The following FAM47E variants were observed in gnomAD, a reference collection of about 807,000 sequenced individuals.
FAM47E encodes the protein protein FAM47E.
In FAM47E, 32 loss-of-function variants were observed where a neutral mutation model predicts 41.6. That is an observed-to-expected ratio of 0.77 (90% CI 0.58 to 1.03). The LOEUF (loss-of-function observed/expected upper bound fraction) is 1.03. FAM47E is among the 50% of genes least tolerant of loss of function. The probability of loss-of-function intolerance (pLI) is 0.00; values close to 1 mark genes in which losing one functional copy is unlikely to be tolerated. For synonymous variants in FAM47E, 184 were observed against 188.7 expected (o/e 0.98, Z 0.20); for missense variants, 424 against 485.4 (o/e 0.87, Z 1.19).
chr4:76,214,212 G>T (rs1261652269), exon 1 of FAM47E: 13 of 454,328 alleles, frequency 2.9e-5, no homozygotes, highest in Admixed American at 2.1e-4. Context: ...AGTTAGCGGG[G>T]ACACCGTTAC....
At chr4:76,256,907 G>A (rs542390033) in intron 2 of FAM47E, among the ~76,000 whole-genome samples, 1 of 152,118 alleles carries the variant, frequency 6.6e-6, no homozygotes, top group African/African-American at 2.4e-5. Flanking sequence ...CTTTAGCCTG[G>A]TATTAGGAAG....
At chr4:76,256,546 G>C (rs1734200886) in intron 2 of FAM47E, 23 bp downstream of exon 2, 1 of 1,514,358 alleles carries the variant, frequency 6.6e-7, no homozygotes, top group Non-Finnish European at 8.9e-7. Flanking sequence ...AGGGTTTGTG[G>C]GAGGGGCTTC....
chr4:76,277,255 C>A (rs559412209), intron 5 of FAM47E, among the ~76,000 whole-genome samples: 1 of 152,172 alleles, frequency 6.6e-6, no homozygotes, highest in African/African-American at 2.4e-5. Flanking sequence ...GAGGCCGAGG[C>A]GGGCGGATCA....
chr4:76,266,537 C>T (rs1734643731), intron 3 of FAM47E, among the ~76,000 whole-genome samples: 1 of 152,206 alleles, frequency 6.6e-6, no homozygotes, highest in South Asian at 2.1e-4. Context: ...TTCCAAGATT[C>T]CATCACCTCT....
At chr4:76,264,801 GGCCAGCCTAGTCTTGAACTCC>G (rs1734561258) in intron 3 of FAM47E, among the ~76,000 whole-genome samples, 25 of 152,132 alleles carry the variant, frequency 1.6e-4, no homozygotes, top group Admixed American at 1.6e-3. Flanking sequence ...TCGCCATGTT[GGCCAGCCTAGTCTTGAACTCC>G]TGGCCTCAAG....
At chr4:76,225,094 C>G (rs1733371769) in intron 2 of FAM47E, among the ~76,000 whole-genome samples, 1 of 152,158 alleles carries the variant, frequency 6.6e-6, no homozygotes, top group Non-Finnish European at 1.5e-5. Flanking sequence ...CAACTCCACC[C>G]AGGTTGCTGC....
At chr4:76,225,903 T>C (rs1733389800) in intron 2 of FAM47E, among the ~76,000 whole-genome samples, 1 of 152,228 alleles carries the variant, frequency 6.6e-6, no homozygotes. Context: ...ACTGGCTTCA[T>C]GGAATGATTT....
chr4:76,251,810 T>C lies in FAM47E; in HGVS notation c.64T>C (p.Cys22Arg), dbSNP rs987665006. Residue 22 changes from cysteine to arginine, a missense_variant, in exon 1 of 8, where the codon TGC becomes CGC. By Grantham distance (180) the Cys-to-Arg change is radical. Transcript: ENST00000424749. Reference sequence around the variant, plus strand: ...GGCCCCGGTGCGCGAGGGCGTGAACTGCAGGTCCAGGTAAACACTCAGCGC... The same window carrying C: ...GGCCCCGGTGCGCGAGGGCGTGAACCGCAGGTCCAGGTAAACACTCAGCGC... The part of the protein sequence containing the change: ...TLAPVREGVN[C>R]RSRCFTKHKN... The C allele has an allele frequency of 1.3e-6, 2 of 1,485,886 alleles. No homozygotes were observed. Among genetic ancestry groups the C allele is most frequent in the East Asian group, 5.6e-5 (2 of 35,856 alleles). The allele number at this position is 1,485,886 out of a possible 1,614,324, so 92.0% of individuals were successfully genotyped here.
chr4:76,224,877 G>A (rs1264588316), intron 2 of FAM47E, among the ~76,000 whole-genome samples: 1 of 152,068 alleles, frequency 6.6e-6, no homozygotes, highest in Admixed American at 6.6e-5. Flanking sequence ...GGTATCCAAT[G>A]TGTAGTCTTT....
At chr4:76,242,569 G>A (rs61216514) in intron 2 of FAM47E, among the ~76,000 whole-genome samples, 16,938 of 152,174 alleles carry the variant, frequency 0.11, 1,049 homozygotes, top group African/African-American at 0.18. Context: ...TATTCCTTGA[G>A]TGCCTCTTTG....
upstream of FAM47E, among the ~76,000 whole-genome samples, chr4:76,249,823 A>G (rs1341972907): frequency 1.3e-5 from 2 of 152,156 alleles, no homozygotes; most frequent in Non-Finnish European, 2.9e-5. Flanking sequence ...TACTTCAGTT[A>G]GAATAATGGT....
At chr4:76,278,890 A>G (rs1735236626) in intron 6 of FAM47E, 1 of 152,246 alleles carries the variant, frequency 6.6e-6, no homozygotes, top group Non-Finnish European at 1.5e-5. Flanking sequence ...ATAGTACTCT[A>G]ATGAGGATAT....
chr4:76,251,541 A>C (rs1433872996), upstream of FAM47E, among the ~76,000 whole-genome samples: 1 of 152,208 alleles, frequency 6.6e-6, no homozygotes, highest in Non-Finnish European at 1.5e-5. Context: ...GATTACACCA[A>C]GGACCGGTAC....
Position 76,233,714 on chromosome 4 carries a change from A to G in FAM47E, c.81+16026A>G, listed in dbSNP as rs567653560. Among the ~76,000 whole-genome samples, 103 of 152,248 alleles carry G rather than the reference A, an allele frequency of 6.8e-4. No homozygotes were observed. The South Asian group carries it at 0.021, about 31-fold the overall frequency. On this transcript the variant is annotated intron_variant, in intron 2 of 7. Transcript: ENST00000510197. ...AGGGCTAGGAAAACATCCAGATACC[A>G]ACCACAGCAGGCTCATCCCCTAAGG...
rs145640798 is a variant in FAM47E, at chr4:76,263,031, C to T, written c.421-673C>T. 3.2e-3 allele frequency among the ~76,000 whole-genome samples: 493 copies of T among 152,218 alleles called. 8 individuals carry two copies. Among genetic ancestry groups the T allele is most frequent in the African/African-American group, 0.012 (478 of 41,482 alleles). On this transcript the variant is annotated intron_variant, in intron 2 of 7. Coordinates refer to ENST00000424749, the MANE Select transcript of FAM47E (RefSeq NM_001136570.3). ...ATCTTCCTGCGTAAGCTTCCCAAAG[C>T]ACTGAGATTATATGCCTTAGCCACT...
At chr4:76,219,963 C>G (rs1193408071) in intron 2 of FAM47E, among the ~76,000 whole-genome samples, 1 of 152,188 alleles carries the variant, frequency 6.6e-6, no homozygotes, top group Non-Finnish European at 1.5e-5. Flanking sequence ...TAAATAAATA[C>G]TGTTTCTTTT....
chr4:76,269,496 A>C (rs28506049), intron 4 of FAM47E: 1 of 151,966 alleles, frequency 6.6e-6, no homozygotes, highest in African/African-American at 2.4e-5. Context: ...GTGCACCTGT[A>C]ATCCCAGCTA....
chr4:76,252,572 T>C (rs533703847), intron 1 of FAM47E, among the ~76,000 whole-genome samples: 22 of 152,268 alleles, frequency 1.4e-4, no homozygotes. Flanking sequence ...AACTTAGGAA[T>C]CAGCTTTCTA....
intron 2 of FAM47E, among the ~76,000 whole-genome samples, chr4:76,232,281 T>C (rs939364169): frequency 2.0e-5 from 3 of 152,128 alleles, no homozygotes; most frequent in Middle Eastern, 3.2e-3. Context: ...CTTGCTTTGG[T>C]TGATATTCGT....
Sources: gnomAD v4.1 joint callset for allele counts (sites outside exome capture counted in the v4.1 genomes callset) on GRCh38, gnomAD v4.1.1 for gene constraint, MANE v1.5 for transcripts, NCBI Gene and HGNC (gene_info 2026-07-23, HGNC 2026-07-21) for gene names.